Variants in CA4 observed in about 807,000 individuals in gnomAD.
CA4 encodes CA-IV.
In CA4, 24 loss-of-function variants were observed where a neutral mutation model predicts 34.5. That is an observed-to-expected ratio of 0.70 (90% CI 0.50 to 0.98). CA4 has a LOEUF of 0.98. CA4 is among the 50% of genes least tolerant of loss of function. The pLI is 0.00. For missense variants in CA4, 394 were observed against 396.7 expected, an observed-to-expected ratio of 0.99 and a Z score of 0.06; for synonymous variants, 178 against 170.6, an observed-to-expected ratio of 1.04 and a Z score of -0.34.
chr17:60,177,428 G>A, the CA4 span, among the ~76,000 whole-genome samples: 8 of 152,070 alleles, frequency 5.3e-5, no homozygotes, highest in African/African-American at 1.2e-4. Flanking sequence ...TAATTTACAA[G>A]GTGAATGTAG....
downstream of CA4, among the ~76,000 whole-genome samples, chr17:60,172,801 G>T (rs1266254387): frequency 7.2e-5 from 11 of 151,882 alleles, no homozygotes; most frequent in African/African-American, 2.4e-4. Context: ...CCGAGATAGT[G>T]CCACTTCACT....
Position 60,157,479 on chromosome 17 carries a change from C to G in CA4, c.321C>G (p.Ala107=). ...GCATTTCTGGAGGAGGACTGCCTGC[C>G]CCATACCAGGCCAAACAGTTGCACC... ...KASISGGGLP[A]PYQAKQLHLH... Residue 107 remains alanine, a synonymous_variant, in exon 4 of 8, where the codon GCC becomes GCG. Coordinates refer to ENST00000300900, the MANE Select transcript of CA4 (RefSeq NM_000717.5). 1 of 1,614,136 alleles carries G rather than the reference C, an allele frequency of 6.2e-7. No individual in the cohort carries two copies. The highest frequency in any genetic ancestry group is 8.5e-7 in the Non-Finnish European group (1 of 1,179,984).
Position 60,159,464 on chromosome 17 carries a change from C to A in CA4, c.*40C>A, listed in dbSNP as rs772911800. ...ACGCAGCCTCTCTGTTGCCTCAGCT[C>A]TCCAAGTTCCAGGCTTCCGGTCCTT... On this transcript the variant is annotated 3_prime_UTR_variant, in exon 8 of 8. Transcript: ENST00000300900. 4.4e-6 allele frequency: 7 copies of A among 1,598,090 alleles called. No homozygotes were observed. The South Asian group carries it at 6.7e-5, about 15-fold the overall frequency.
chr17:60,158,388 G>A lies in CA4; in HGVS notation c.686G>A (p.Cys229Tyr), dbSNP rs759956725. 2 of 1,614,130 alleles carry A rather than the reference G, an allele frequency of 1.2e-6. No individual in the cohort carries two copies. Among genetic ancestry groups the A allele is most frequent in the African/African-American group, 2.7e-5 (2 of 75,036 alleles). ...RYLGSLTTPT[C>Y]DEKVVWTVFR... is the part of the protein sequence containing the mutation. ...CTGGGCTCACTCACCACACCGACCT[G>A]CGATGAGAAGGTCGTCTGGACTGTG... The change falls in exon 7 of 8, where the codon TGC becomes TAC. Residue 229 changes from cysteine (C) to tyrosine (Y), a missense_variant. Cys to Tyr is a radical substitution (Grantham distance 194). Transcript: ENST00000300900.
downstream of CA4, among the ~76,000 whole-genome samples, chr17:60,175,149 AG>A (rs1331887819): frequency 2.1e-5 from 3 of 146,240 alleles, no homozygotes; most frequent in Admixed American, 2.0e-4. Flanking sequence ...CCTCCCGAGT[AG>A]CTGGGATGAC....
downstream of CA4, among the ~76,000 whole-genome samples, chr17:60,164,116 G>GA (rs996409265): frequency 6.7e-4 from 93 of 138,018 alleles, no homozygotes; most frequent in Middle Eastern, 7.4e-3. Context: ...CTCAAAAAAG[G>GA]AAAAAAAAAA....
chr17:60,157,992 G>T, intron 5 of CA4, 69 bp from the exon 6 acceptor site: 1 of 1,591,218 alleles, frequency 6.3e-7, no homozygotes, highest in East Asian at 2.3e-5. Flanking sequence ...CCCCCAGATC[G>T]GGAGAATGAA....
intron 5 of CA4, among the ~76,000 whole-genome samples, chr17:60,169,228 C>G (rs1873175855): frequency 6.7e-6 from 1 of 148,200 alleles, no homozygotes; most frequent in African/African-American, 2.6e-5. Context: ...GCCTGGGCAA[C>G]AGAGAGAGAC....
In CA4 at chr17:60,157,348, T is replaced by C. The variant is rs1387491990; in HGVS notation, c.269-79T>C. The C allele has an allele frequency of 4.7e-6, 6 of 1,288,586 alleles. No individual in the cohort carries two copies. The East Asian group carries it at 1.4e-4, about 30-fold the overall frequency. 79.8% of individuals were successfully genotyped at this position (1,288,586 alleles called of 1,614,324 possible). A position where few individuals can be genotyped will look rare whatever the true frequency, so the allele number is the denominator to read the frequency against. On this transcript the variant is annotated intron_variant, in intron 3 of 7. Coordinates refer to ENST00000300900, the MANE Select transcript of CA4 (RefSeq NM_000717.5). ...TTGGGAGGCAGGAGACAATGTCCCA[T>C]CTGGGTGAAGCTGGGATGAAGAGCT...
At position 60,157,801 on chromosome 17, in the gene CA4, TC is replaced by T; in HGVS notation, c.513+18del. On this transcript the variant is annotated intron_variant, in intron 5 of 7. Coordinates refer to ENST00000300900, the MANE Select transcript of CA4 (RefSeq NM_000717.5). ...CTTTCTGGTGGAGGTGGGACTCCCA[TC>T]CCCCACTTCCCGGGGAACCCGGGGC... 6.2e-7 allele frequency: 1 copy of T among 1,600,190 alleles called. No individual in the cohort carries two copies. The highest frequency in any genetic ancestry group is 2.2e-5 in the East Asian group (1 of 44,796).
At chr17:60,165,228 G>A (rs2145300206) in intron 5 of CA4, among the ~76,000 whole-genome samples, 1 of 152,180 alleles carries the variant, frequency 6.6e-6, no homozygotes, top group Non-Finnish European at 1.5e-5. Context: ...CTATCCAAGG[G>A]AGAAAACTTA....
chr17:60,168,634 C>T (rs1189135120), intron 5 of CA4, among the ~76,000 whole-genome samples: 3 of 151,542 alleles, frequency 2.0e-5, no homozygotes, highest in Admixed American at 6.6e-5. Flanking sequence ...GGAAAGCCTT[C>T]GTGGAGTGTG....
intron 1 of CA4, among the ~76,000 whole-genome samples, chr17:60,150,887 C>A (rs936717338): frequency 1.1e-4 from 17 of 151,600 alleles, no homozygotes; most frequent in Non-Finnish European, 2.2e-4. Context: ...CGCAAGCTCC[C>A]CTGGCCTCCC....
intron 5 of CA4, among the ~76,000 whole-genome samples, chr17:60,169,379 G>T (rs572459615): frequency 1.3e-5 from 2 of 152,272 alleles, no homozygotes; most frequent in East Asian, 3.9e-4. Flanking sequence ...GCTCCAGACA[G>T]GCATAAACTA....
At chr17:60,152,569 G>A (rs144168591) in intron 1 of CA4, among the ~76,000 whole-genome samples, 5 of 152,326 alleles carry the variant, frequency 3.3e-5, no homozygotes, top group African/African-American at 1.2e-4. Flanking sequence ...GCTGTGAGGC[G>A]AGTTACAGGG....
downstream of CA4, among the ~76,000 whole-genome samples, chr17:60,164,176 C>G (rs968325381): frequency 4.0e-5 from 5 of 124,700 alleles, no homozygotes; most frequent in African/African-American, 1.2e-4. Flanking sequence ...CTCCCTCTCT[C>G]TCTCTCTTTC....
chr17:60,177,498 C>T, the CA4 span, among the ~76,000 whole-genome samples: 3 of 152,106 alleles, frequency 2.0e-5, no homozygotes, highest in African/African-American at 7.2e-5. Flanking sequence ...TAATTACAAC[C>T]AGTATAACAA....
the CA4 span, among the ~76,000 whole-genome samples, chr17:60,176,583 CTGTAGGTACCAA>C: frequency 2.6e-5 from 4 of 152,194 alleles, no homozygotes; most frequent in African/African-American, 4.8e-5. Flanking sequence ...GTAGGACCCA[CTGTAGGTACCAA>C]TGTAGGCACC....
Position 60,150,060 on chromosome 17 carries a change from C to T in CA4, c.26C>T (p.Ala9Val). Residue 9 changes from alanine to valine, a missense_variant, in exon 1 of 8, where the codon GCC becomes GTC. Ala to Val is a moderately conservative substitution (Grantham distance 64). Transcript: ENST00000300900. The part of the protein sequence containing the change: MRMLLALL[A>V]LSAARPSASA... Reference sequence around the variant, plus strand: ...ATGCGGATGCTGCTGGCGCTCCTGGCCCTCTCCGCGGCGCGGCCATCGGCC... The same window carrying T: ...ATGCGGATGCTGCTGGCGCTCCTGGTCCTCTCCGCGGCGCGGCCATCGGCC... 1 of 1,601,048 alleles carries T rather than the reference C, an allele frequency of 6.2e-7. No individual in the cohort carries two copies. The highest frequency in any genetic ancestry group is 8.5e-7 in the Non-Finnish European group (1 of 1,179,108).
Sources: gnomAD v4.1 joint callset for allele counts (sites outside exome capture counted in the v4.1 genomes callset) on GRCh38, gnomAD v4.1.1 for gene constraint, MANE v1.5 for transcripts, NCBI Gene and HGNC (gene_info 2026-07-23, HGNC 2026-07-21) for gene names.